Variants in FHIP2A observed in about 807,000 individuals in gnomAD.
The protein encoded by FHIP2A is FHF complex subunit HOOK interacting protein 2A, also known as family with sequence similarity 160 member B1.
A neutral mutation model predicts 93.5 loss-of-function variants in FHIP2A; 46 were observed. That is an observed-to-expected ratio of 0.49 (90% CI 0.39 to 0.63). FHIP2A has a LOEUF of 0.63. FHIP2A is among the 20% of genes least tolerant of loss of function. The probability of loss-of-function intolerance (pLI) is 0.00; values close to 1 mark genes in which losing one functional copy is unlikely to be tolerated. For synonymous variants in FHIP2A, 332 were observed against 326.5 expected (o/e 1.02, Z -0.18); for missense variants, 769 against 909.7 (o/e 0.85, Z 1.99).
chr10:114,838,600 C>T (rs553885391), intron 5 of FHIP2A, among the ~76,000 whole-genome samples: 3 of 152,036 alleles, frequency 2.0e-5, no homozygotes, highest in African/African-American at 7.2e-5. Flanking sequence ...CTTAGATAAC[C>T]TTAGTGTACT....
downstream of FHIP2A, chr10:114,864,834 T>C: frequency 4.0e-6 from 1 of 247,962 alleles, no homozygotes. Context: ...CTACAATCAG[T>C]GGGTCTCTAT....
chr10:114,847,750 C>CT (rs35185002), intron 12 of FHIP2A, among the ~76,000 whole-genome samples: 19,369 of 138,956 alleles, frequency 0.14, 1,528 homozygotes, highest in East Asian at 0.2. Flanking sequence ...CCTCCCCCAC[C>CT]TTTTTTTTTT....
At chr10:114,837,388 G>T (rs933952145) in intron 5 of FHIP2A, among the ~76,000 whole-genome samples, 1 of 152,076 alleles carries the variant, frequency 6.6e-6, no homozygotes, top group Non-Finnish European at 1.5e-5. Flanking sequence ...GGTAGTGCAC[G>T]CCTGGAATCC....
chr10:114,853,039 A>G (rs184242652), intron 13 of FHIP2A, among the ~76,000 whole-genome samples: 52 of 151,910 alleles, frequency 3.4e-4, no homozygotes, highest in African/African-American at 1.2e-3. Flanking sequence ...AAAGGTAACT[A>G]CTCGTCTTCA....
chr10:114,832,951 T>TA (rs1373369669), intron 2 of FHIP2A, among the ~76,000 whole-genome samples: 1 of 152,118 alleles, frequency 6.6e-6, no homozygotes, highest in African/African-American at 2.4e-5. Context: ...TGACCTCAGG[T>TA]GATCCACCTG....
At chr10:114,877,590 G>A (rs1297469366) in intron 16 of FHIP2A, among the ~76,000 whole-genome samples, 1 of 152,076 alleles carries the variant, frequency 6.6e-6, no homozygotes, top group Non-Finnish European at 1.5e-5. Context: ...GATGGAGCAG[G>A]GGAATTTGTA....
At chr10:114,871,628 A>G in intron 16 of FHIP2A, among the ~76,000 whole-genome samples, 1 of 152,038 alleles carries the variant, frequency 6.6e-6, no homozygotes, top group South Asian at 2.1e-4. Flanking sequence ...CATAATTGCT[A>G]TTTTCCTGAC....
exon 17 of FHIP2A, chr10:114,899,590 T>C (rs1465797865): frequency 1.4e-6 from 1 of 715,180 alleles, no homozygotes; most frequent in African/African-American, 1.8e-5. Context: ...CCACAAAAAA[T>C]CTTGGGCCTT....
rs766243894 is a variant in FHIP2A, at chr10:114,833,223, T to C, written c.125-10T>C. 2 of 1,589,604 alleles carry C rather than the reference T, an allele frequency of 1.3e-6. No individual in the cohort carries two copies. The highest frequency in any genetic ancestry group is 1.7e-6 in the Non-Finnish European group (2 of 1,167,542). ...GTTTAAATATTTGATGAATGTTTTTTATTGTTTAGATGATAAAGCCCCAGT... is the reference window on the plus strand; with the variant it reads ...GTTTAAATATTTGATGAATGTTTTTCATTGTTTAGATGATAAAGCCCCAGT... On this transcript the variant is annotated splice_polypyrimidine_tract_variant and intron_variant, in intron 2 of 16. Transcript: ENST00000369248.
intron 5 of FHIP2A, among the ~76,000 whole-genome samples, chr10:114,841,342 G>C (rs1035517449): frequency 7.0e-6 from 1 of 143,550 alleles, no homozygotes; most frequent in Admixed American, 7.3e-5. Flanking sequence ...GCCCAGGCTG[G>C]AGTGCAGTGG....
chr10:114,828,108 A>G (rs1262657241), intron 1 of FHIP2A, among the ~76,000 whole-genome samples: 1 of 152,192 alleles, frequency 6.6e-6, no homozygotes, highest in Non-Finnish European at 1.5e-5. Context: ...AGTTTTACAT[A>G]AATAAGGACA....
chr10:114,864,118 A>G lies in FHIP2A; in HGVS notation c.*2578A>G, dbSNP rs991415481. The G allele has an allele frequency of 3.2e-5, 31 of 978,340 alleles. No individual in the cohort carries two copies. The highest frequency in any genetic ancestry group is 3.8e-5 in the Non-Finnish European group (31 of 823,140). The allele number at this position is 978,340 out of a possible 1,614,324, so 60.6% of individuals were successfully genotyped here. On this transcript the variant is annotated 3_prime_UTR_variant, in exon 17 of 17. Transcript: ENST00000369248. ...CATTATTGTGTGTGTATATATGTAT[A>G]TATGTATATATATAAGGACCAAAAT...
At position 114,836,924 on chromosome 10, in the gene FHIP2A, C is replaced by T. The variant is rs375032135; in HGVS notation, c.522+678C>T. 9.9e-5 allele frequency among the ~76,000 whole-genome samples: 15 copies of T among 152,024 alleles called. No individual in the cohort carries two copies. In the East Asian group the frequency reaches 2.7e-3, roughly 28 times the overall value. On this transcript the variant is annotated intron_variant, in intron 5 of 16. Coordinates refer to ENST00000369248, the MANE Select transcript of FHIP2A (RefSeq NM_020940.4). ...TATTTTTATTTTTACTTTTTTGAGG[C>T]AGGGTCTTGCTTTGTAGCCCAGGCT... is the stretch of plus-strand genomic sequence containing the variant.
chr10:114,890,202 A>G (rs2083963581), intron 16 of FHIP2A, among the ~76,000 whole-genome samples: 1 of 151,746 alleles, frequency 6.6e-6, no homozygotes, highest in Non-Finnish European at 1.5e-5. Flanking sequence ...TAATTTTTGT[A>G]TTTTTAGTAG....
chr10:114,842,651 T>C (rs1486215484), intron 5 of FHIP2A, among the ~76,000 whole-genome samples: 1 of 152,148 alleles, frequency 6.6e-6, no homozygotes, highest in Non-Finnish European at 1.5e-5. Context: ...TCACTAACAT[T>C]AGTTGTTTTA....
intron 1 of FHIP2A, among the ~76,000 whole-genome samples, chr10:114,825,863 C>G (rs1476859321): frequency 1.3e-5 from 2 of 152,210 alleles, no homozygotes; most frequent in African/African-American, 2.4e-5. Context: ...TCCACCCTTG[C>G]GGGCAGATTT....
chr10:114,833,713 G>T (rs1207653529), intron 3 of FHIP2A, among the ~76,000 whole-genome samples: 1 of 152,134 alleles, frequency 6.6e-6, no homozygotes, highest in Non-Finnish European at 1.5e-5. Flanking sequence ...GTTAAAATAG[G>T]ATTGAAAAAT....
intron 1 of FHIP2A, among the ~76,000 whole-genome samples, chr10:114,827,028 A>G (rs1464745383): frequency 6.6e-6 from 1 of 152,198 alleles, no homozygotes; most frequent in Non-Finnish European, 1.5e-5. Context: ...TGGAATGTTG[A>G]TGATACATGA....
chr10:114,837,286 A>G (rs939971953), intron 5 of FHIP2A, among the ~76,000 whole-genome samples: 3 of 152,126 alleles, frequency 2.0e-5, no homozygotes, highest in Non-Finnish European at 4.4e-5. Context: ...AGGCTGGTGC[A>G]GGTGGATCAG....
Sources: allele counts gnomAD v4.1 joint callset (sites outside exome capture counted in the v4.1 genomes callset), GRCh38; gene constraint gnomAD v4.1.1; transcripts MANE v1.5; gene names NCBI Gene and HGNC (gene_info 2026-07-23, HGNC 2026-07-21).